The following ABLIM2 variants were observed in gnomAD, a reference collection of about 807,000 sequenced individuals.
The protein encoded by ABLIM2 is actin-binding LIM protein 2.
ABLIM2 carries 53 observed loss-of-function variants against 97.7 expected under a neutral mutation model. The observed-to-expected ratio is 0.54, with a 90% confidence interval of 0.44 to 0.68. The LOEUF is 0.68. Ranked by LOEUF, ABLIM2 falls within the 30% of genes least tolerant of loss-of-function variation. The pLI, the probability that ABLIM2 is intolerant of heterozygous loss-of-function variation, is 0.00. For synonymous variants in ABLIM2, 361 were observed against 345.8 expected, an observed-to-expected ratio of 1.04 and a Z score of -0.49; for missense variants, 835 against 867.2, an observed-to-expected ratio of 0.96 and a Z score of 0.47.
intron 14 of ABLIM2, among the ~76,000 whole-genome samples, 190 bp from the exon 15 acceptor site, chr4:8,009,292 G>C (rs543770871): frequency 1.3e-5 from 2 of 152,330 alleles, no homozygotes; most frequent in South Asian, 4.1e-4. Flanking sequence ...ACGACCCAGG[G>C]AGCATCAGCA....
At chr4:8,141,939 C>T (rs1405516874) in intron 1 of ABLIM2, among the ~76,000 whole-genome samples, 2 of 152,230 alleles carry the variant, frequency 1.3e-5, no homozygotes, top group Non-Finnish European at 2.9e-5. Context: ...GCCCCCCCAG[C>T]TCCATGCAGG....
rs776276661 is a variant in ABLIM2, at chr4:8,072,220, G to A, written c.675+5408C>T. The stretch of plus-strand genomic sequence containing the variant: ...CCTCGAATTAGGATGGTTCCTTCCC[G>A]ATGAACCAGGGCGCACCCCAAATTC... On this transcript the variant is annotated intron_variant, in intron 6 of 20. Coordinates refer to ENST00000447017, the MANE Select transcript of ABLIM2 (RefSeq NM_001130083.2). The surrounding 1 kb of genome is among the most constrained non-coding windows in gnomAD (Gnocchi z 5.8). Among the ~76,000 whole-genome samples the A allele has an allele frequency of 2.6e-5, 4 of 152,208 alleles. No individual in the cohort carries two copies. The highest frequency in any genetic ancestry group is 5.9e-5 in the Non-Finnish European group (4 of 68,046).
At chr4:8,052,974 G>C (rs1796993163) in intron 8 of ABLIM2, among the ~76,000 whole-genome samples, 1 of 152,246 alleles carries the variant, frequency 6.6e-6, no homozygotes, top group African/African-American at 2.4e-5. Context: ...ATGAGGACAT[G>C]GCCTGGCCTG....
At chr4:8,153,217 GC>G (rs1713701723) in intron 1 of ABLIM2, among the ~76,000 whole-genome samples, 1 of 152,182 alleles carries the variant, frequency 6.6e-6, no homozygotes, top group Admixed American at 6.5e-5. Context: ...AGCCCAGGGT[GC>G]GGGCCAGGCA....
intron 3 of ABLIM2, among the ~76,000 whole-genome samples, chr4:8,092,309 G>A (rs1185630857): frequency 6.6e-6 from 1 of 151,940 alleles, no homozygotes; most frequent in African/African-American, 2.4e-5. Context: ...ATTTGTATAT[G>A]TTCTTTAGTG....
intron 16 of ABLIM2, among the ~76,000 whole-genome samples, chr4:7,997,544 C>T (rs2150099466): frequency 6.6e-6 from 1 of 152,228 alleles, no homozygotes; most frequent in Middle Eastern, 3.4e-3. Context: ...CATGGATTCT[C>T]TCCTGTCAAA....
intron 12 of ABLIM2, among the ~76,000 whole-genome samples, chr4:8,025,008 C>T (rs922871421): frequency 2.0e-5 from 3 of 152,226 alleles, no homozygotes; most frequent in East Asian, 1.9e-4. Flanking sequence ...CAGCTCACTG[C>T]AACCTCCGCC....
rs964907137 is a variant in ABLIM2, at chr4:7,999,241, T to C, written c.1619-6314A>G. ...CGCCCAGCTAATTTTGTATTTTTAG[T>C]AGAGACAAGGTTTCTCCATGTTGGT... On this transcript the variant is annotated intron_variant, in intron 16 of 20. Transcript: ENST00000447017. This position sits in a 1 kb window ranked among gnomAD's most constrained non-coding sequence, Gnocchi z 4.4. Among the ~76,000 whole-genome samples, 1 of 152,036 alleles carries C rather than the reference T, an allele frequency of 6.6e-6. No individual in the cohort carries two copies. The highest frequency in any genetic ancestry group is 6.6e-5 in the Admixed American group (1 of 15,258).
Position 7,986,962 on chromosome 4 carries a change from C to T in ABLIM2, c.1681-2069G>A, listed in dbSNP as rs566576159. ...CTGGGATTATAGGCATAAGCCACTG[C>T]GCCCGGTCATGCAAATAATTTTTAA... On this transcript the variant is annotated intron_variant, in intron 17 of 20. Transcript: ENST00000447017. This position sits in a 1 kb window ranked among gnomAD's most constrained non-coding sequence, Gnocchi z 4.3. Among the ~76,000 whole-genome samples, 32 of 152,284 alleles carry T rather than the reference C, an allele frequency of 2.1e-4. No individual in the cohort carries two copies. The highest frequency in any genetic ancestry group is 6.3e-4 in the African/African-American group (26 of 41,556).
At chr4:8,041,718 C>A (rs771134885) in intron 9 of ABLIM2, among the ~76,000 whole-genome samples, 2 of 151,882 alleles carry the variant, frequency 1.3e-5, no homozygotes, top group African/African-American at 2.4e-5. Flanking sequence ...CTGGCTAACA[C>A]GGTGAAACCC....
intron 1 of ABLIM2, among the ~76,000 whole-genome samples, chr4:8,138,189 G>GA (rs1355145312): frequency 6.6e-6 from 1 of 152,030 alleles, no homozygotes; most frequent in Admixed American, 6.6e-5. Context: ...GTTTAAGGGG[G>GA]ACAGAACCTC....
intron 3 of ABLIM2, among the ~76,000 whole-genome samples, chr4:8,094,672 G>A (rs945110748): frequency 5.9e-5 from 9 of 152,174 alleles, no homozygotes; most frequent in South Asian, 2.1e-4. Context: ...CTGTCTGCCC[G>A]TGTATTTCAT....
chr4:8,091,549 T>A lies in ABLIM2; in HGVS notation c.339-3265A>T, dbSNP rs796570419. Among the ~76,000 whole-genome samples, 78 of 38,744 alleles carry A rather than the reference T, an allele frequency of 2.0e-3. 9 individuals carry two copies. In the East Asian group the frequency reaches 0.024, roughly 12 times the overall value. The allele number at this position is 38,744 out of a possible 152,430, so 25.4% of individuals were successfully genotyped here. On this transcript the variant is annotated intron_variant, in intron 3 of 20. Coordinates refer to ENST00000447017, the MANE Select transcript of ABLIM2 (RefSeq NM_001130083.2). The stretch of plus-strand genomic sequence containing the variant: ...TTATATATAAAATTATATATAATAT[T>A]TATAATTATATATATTATATATAAT...
At position 8,003,845 on chromosome 4, in the gene ABLIM2, A is replaced by G. The variant is rs10938680; in HGVS notation, c.1618+4214T>C. Among the ~76,000 whole-genome samples the G allele has an allele frequency of 0.66, 100,600 of 151,870 alleles. 34,569 individuals are homozygous for G. The highest frequency in any genetic ancestry group is 0.86 in the African/African-American group (35,706 of 41,438). ...CTCCCAAAGTGCTGGGATTACAGGCATGAGCCACTGTGCCTGGCCCTCTTC... is the reference window on the plus strand; with the variant it reads ...CTCCCAAAGTGCTGGGATTACAGGCGTGAGCCACTGTGCCTGGCCCTCTTC... On this transcript the variant is annotated intron_variant, in intron 16 of 20. Transcript: ENST00000447017. This position sits in a 1 kb window ranked among gnomAD's most constrained non-coding sequence, Gnocchi z 4.2.
intron 1 of ABLIM2, among the ~76,000 whole-genome samples, chr4:8,135,125 C>T (rs538220283): frequency 2.0e-5 from 3 of 152,132 alleles, no homozygotes; most frequent in East Asian, 3.9e-4. Context: ...CAAGTGTGTC[C>T]GTGGCACAAA....
chr4:8,009,237 C>T, intron 14 of ABLIM2, 135 bp from the exon 15 acceptor site: 1 of 1,071,606 alleles, frequency 9.3e-7, no homozygotes, highest in South Asian at 1.4e-5. Flanking sequence ...GAGTGCCTTT[C>T]AAAGGGCAAG....
intron 19 of ABLIM2, 33 bp from the exon 20 acceptor site, chr4:7,983,377 C>T (rs375999116): frequency 4.2e-5 from 67 of 1,602,194 alleles, no homozygotes; most frequent in East Asian, 4.5e-5. Context: ...GGTCACCTCA[C>T]GAAGCAAGTG....
chr4:8,145,834 G>C (rs1851714548), intron 1 of ABLIM2, among the ~76,000 whole-genome samples: 1 of 150,454 alleles, frequency 6.6e-6, no homozygotes. Flanking sequence ...CACAGCCCTA[G>C]CTCAACAGTG....
At chr4:8,047,033 G>A (rs981474817) in intron 8 of ABLIM2, among the ~76,000 whole-genome samples, 1 of 152,186 alleles carries the variant, frequency 6.6e-6, no homozygotes, top group Non-Finnish European at 1.5e-5. Context: ...ACTCAGGCTG[G>A]GCATCGTGCA....
Sources: gnomAD v4.1 joint callset for allele counts (sites outside exome capture counted in the v4.1 genomes callset) on GRCh38, gnomAD v4.1.1 for gene constraint, Gnocchi (gnomAD v3.1) non-coding constraint, MANE v1.5 for transcripts, NCBI Gene and HGNC (gene_info 2026-07-23, HGNC 2026-07-21) for gene names.